The following SPPL2A variants were observed in gnomAD, a reference collection of about 807,000 sequenced individuals.
The protein encoded by SPPL2A is signal peptide peptidase like 2A, also known as signal peptide peptidase-like 2A.
Under a neutral mutation model 63.8 loss-of-function variants are expected in SPPL2A, and 51 were observed. The ratio of observed to expected loss-of-function variants is 0.80; its 90% CI spans 0.64 to 1.01. SPPL2A has a LOEUF of 1.01. Among genes scored for constraint, SPPL2A ranks in the 50% least tolerant of loss-of-function variants. The pLI is 0.00. For synonymous variants in SPPL2A, 188 were observed against 205.8 expected (o/e 0.91, Z 0.74); for missense variants, 553 against 622.7 (o/e 0.89, Z 1.19).
chr15:50,722,079 G>T, intron 13 of SPPL2A, 45 bp downstream of exon 13: 2 of 1,039,792 alleles, frequency 1.9e-6, no homozygotes, highest in South Asian at 1.3e-5. Flanking sequence ...TTTTCCTCCA[G>T]ACAATACAAT....
At chr15:50,763,473 TAA>T (rs1236373501) in intron 1 of SPPL2A, among the ~76,000 whole-genome samples, 1 of 152,210 alleles carries the variant, frequency 6.6e-6, no homozygotes, top group Non-Finnish European at 1.5e-5. Flanking sequence ...ACATCCCATA[TAA>T]TAAGATGCAC....
In SPPL2A at chr15:50,704,716, A is replaced by G. The variant is rs911670667; in HGVS notation, c.*3084T>C. The G allele has an allele frequency of 2.0e-5, 3 of 152,188 alleles. No homozygotes were observed. Among genetic ancestry groups the G allele is most frequent in the African/African-American group, 7.2e-5 (3 of 41,448 alleles). The allele number at this position is 152,188 out of a possible 1,614,324, so 9.4% of individuals were successfully genotyped here. A position where few individuals can be genotyped will look rare whatever the true frequency, so the allele number is the denominator to read the frequency against. On this transcript the variant is annotated 3_prime_UTR_variant, in exon 15 of 15. Transcript: ENST00000261854. ...ATCTTTTGTTCATTTTGAGTCCCCA[A>G]ATAAAATATTTCTGTACTTTAATTT... is the stretch of plus-strand genomic sequence containing the variant.
At position 50,706,635 on chromosome 15, in the gene SPPL2A, GATA is replaced by G. The variant is rs1567145489; in HGVS notation, c.*1162_*1164del. Reference sequence around the variant, plus strand: ...AACGGGTGGGAGTGGGGGAATGTGGGATAATGTTAGGAATGCTGTATTCAACGA... The same window carrying G: ...AACGGGTGGGAGTGGGGGAATGTGGGATGTTAGGAATGCTGTATTCAACGA... On this transcript the variant is annotated 3_prime_UTR_variant, in exon 15 of 15. Transcript: ENST00000261854. The G allele has an allele frequency of 1.3e-5, 2 of 151,898 alleles. No homozygotes were observed. Among genetic ancestry groups the G allele is most frequent in the Non-Finnish European group, 2.9e-5 (2 of 68,000 alleles). 9.4% of individuals were successfully genotyped at this position (151,898 alleles called of 1,614,324 possible).
intron 6 of SPPL2A, among the ~76,000 whole-genome samples, chr15:50,738,299 A>G (rs2062789470): frequency 6.6e-6 from 1 of 152,170 alleles, no homozygotes; most frequent in Non-Finnish European, 1.5e-5. Flanking sequence ...CTGTAATCCT[A>G]GCACTTTGGG....
chr15:50,765,430 A>G (rs1183042202), intron 1 of SPPL2A, 38 bp downstream of exon 1: 6 of 1,472,408 alleles, frequency 4.1e-6, no homozygotes, highest in Non-Finnish European at 5.4e-6. Flanking sequence ...GGCCCCGCCC[A>G]GCCCCTGGGA....
chr15:50,707,715 C>A lies in SPPL2A; in HGVS notation c.*85G>T. On this transcript the variant is annotated 3_prime_UTR_variant, in exon 15 of 15. Coordinates refer to ENST00000261854, the MANE Select transcript of SPPL2A (RefSeq NM_032802.4). ...GCAAGCATATCATTGAAGACTCTTT[C>A]AGATTGTCAATTCAAAAGTCAATTT... The A allele has an allele frequency of 1.4e-6, 1 of 737,766 alleles. No homozygotes were observed. The highest frequency in any genetic ancestry group is 2.4e-6 in the Non-Finnish European group (1 of 413,262). The allele number at this position is 737,766 out of a possible 1,614,324, so 45.7% of individuals were successfully genotyped here.
chr15:50,733,599 G>C (rs763327908), intron 8 of SPPL2A, among the ~76,000 whole-genome samples: 1 of 152,118 alleles, frequency 6.6e-6, no homozygotes, highest in Non-Finnish European at 1.5e-5. Context: ...CAGGACATTG[G>C]TCTTGGCAAA....
intron 5 of SPPL2A, among the ~76,000 whole-genome samples, chr15:50,745,872 G>A (rs2062853531): frequency 6.6e-6 from 1 of 151,298 alleles, no homozygotes; most frequent in Non-Finnish European, 1.5e-5. Context: ...CCAACATGGT[G>A]AAAACTCATC....
At chr15:50,721,762 G>A (rs749154677) in intron 13 of SPPL2A, among the ~76,000 whole-genome samples, 64 of 151,906 alleles carry the variant, frequency 4.2e-4, no homozygotes, top group Non-Finnish European at 8.5e-4. Flanking sequence ...GTGCCACCAC[G>A]CCCAGCTAAT....
In SPPL2A at chr15:50,722,170, A is replaced by T. The variant is rs116939379; in HGVS notation, c.1281T>A (p.Asp427Glu). Reference sequence around the variant, plus strand: ...ATATGTAAGAAGAACCAGTCTGAACATCAAATCTTCTACAGTATGCAATCA... The same window carrying T: ...ATATGTAAGAAGAACCAGTCTGAACTTCAAATCTTCTACAGTATGCAATCA... ...GLLIAYCRRF[D>E]VQTGSSYIYY... Residue 427 changes from aspartate (D) to glutamate (E), a missense_variant, in exon 13 of 15, where the codon GAT becomes GAA. By Grantham distance (45) the Asp-to-Glu change is conservative. Coordinates refer to ENST00000261854, the MANE Select transcript of SPPL2A (RefSeq NM_032802.4). The T allele has an allele frequency of 2.7e-3, 4,301 of 1,601,422 alleles. 10 individuals carry two copies. Among genetic ancestry groups the T allele is most frequent in the Middle Eastern group, 0.014 (86 of 6,022 alleles).
In SPPL2A at chr15:50,736,644, G is replaced by A. The variant is rs147266738; in HGVS notation, c.830C>T (p.Thr277Met). 88 of 1,507,378 alleles carry A rather than the reference G, an allele frequency of 5.8e-5. No homozygotes were observed. Among genetic ancestry groups the A allele is most frequent in the Non-Finnish European group, 4.4e-5 (48 of 1,088,136 alleles). 93.4% of individuals were successfully genotyped at this position (1,507,378 alleles called of 1,614,324 possible). Residue 277 changes from threonine to methionine, a missense_variant and splice_region_variant, in exon 7 of 15, where the codon ACG (threonine) becomes ATG (methionine). Physicochemically the swap from Thr to Met is moderately conservative, Grantham distance 81. Transcript: ENST00000261854. ...AAGATTTCCTGTAAGAGATACGTAC[G>A]TGCATTGTCCATATGGTATCTTATG... ...LIHKIPYGQC[T>M]IACRGKNMEV...
In SPPL2A at chr15:50,726,336, A is replaced by G. The variant is rs1265708418; in HGVS notation, c.1131T>C (p.Phe377=). The G allele has an allele frequency of 1.9e-6, 3 of 1,613,844 alleles. No homozygotes were observed. The African/African-American group carries it at 4.0e-5, about 22-fold the overall frequency. ...SIMVELAAGP[F]GNNEKLPVVI... is the part of the protein sequence containing the mutation. ...CCATCCCTACCTTTTCATTATTTCC[A>G]AAAGGTCCAGCTGCGAGTTCAACCA... The change falls in exon 11 of 15, where the codon TTT becomes TTC. Residue 377 remains phenylalanine, a synonymous_variant. Coordinates refer to ENST00000261854, the MANE Select transcript of SPPL2A (RefSeq NM_032802.4).
At chr15:50,765,171 G>A (rs969993787) in intron 1 of SPPL2A, among the ~76,000 whole-genome samples, 2 of 152,116 alleles carry the variant, frequency 1.3e-5, no homozygotes, top group African/African-American at 2.4e-5. Context: ...GAAGCATCAA[G>A]GTCAACGCAA....
chr15:50,722,710 C>T (rs200307718), intron 12 of SPPL2A, among the ~76,000 whole-genome samples: 143 of 152,256 alleles, frequency 9.4e-4, no homozygotes, highest in Admixed American at 6.6e-3. Flanking sequence ...TGGTCTTGGC[C>T]TCCCAAAGTC....
chr15:50,711,800 C>G (rs925684700), intron 14 of SPPL2A, among the ~76,000 whole-genome samples: 1 of 152,148 alleles, frequency 6.6e-6, no homozygotes, highest in African/African-American at 2.4e-5. Flanking sequence ...ATAGTATAAA[C>G]AAATTTGCCT....
chr15:50,764,242 T>C (rs2141068300), intron 1 of SPPL2A, among the ~76,000 whole-genome samples: 1 of 152,348 alleles, frequency 6.6e-6, no homozygotes, highest in Middle Eastern at 3.4e-3. Flanking sequence ...TTTGCATACA[T>C]CTACATACTA....
rs1391441860 is a variant in SPPL2A, at chr15:50,704,933, C to G, written c.*2867G>C. On this transcript the variant is annotated 3_prime_UTR_variant, in exon 15 of 15. Transcript: ENST00000261854. ...AAAGTAGAATTTGTATCAAGTAACTCGGATTTCAGATTTCTGGATGTACCA... is the reference window on the plus strand; with the variant it reads ...AAAGTAGAATTTGTATCAAGTAACTGGGATTTCAGATTTCTGGATGTACCA... 1.3e-5 allele frequency: 2 copies of G among 152,150 alleles called. No individual in the cohort carries two copies. Among genetic ancestry groups the G allele is most frequent in the African/African-American group, 4.8e-5 (2 of 41,432 alleles). 9.4% of individuals were successfully genotyped at this position (152,150 alleles called of 1,614,324 possible).
intron 1 of SPPL2A, 107 bp downstream of exon 1, chr15:50,765,361 G>A: frequency 6.5e-6 from 5 of 764,594 alleles, no homozygotes; most frequent in Non-Finnish European, 9.8e-6. Flanking sequence ...GGCCGCGGAG[G>A]TGCGGGCAGA....
At position 50,728,641 on chromosome 15, in the gene SPPL2A, C is replaced by T. The variant is rs189104479; in HGVS notation, c.1090-2264G>A. Among the ~76,000 whole-genome samples, 12 of 143,476 alleles carry T rather than the reference C, an allele frequency of 8.4e-5. No homozygotes were observed. In the East Asian group the frequency reaches 2.6e-3, roughly 31 times the overall value. 94.1% of individuals were successfully genotyped at this position (143,476 alleles called of 152,430 possible). On this transcript the variant is annotated intron_variant, in intron 10 of 14. Transcript: ENST00000261854. ...GATTACAGGCGTGAACCACTGCGCT[C>T]GGCCAACAATTTCTTTTTTTGAAAC... is the stretch of plus-strand genomic sequence containing the variant.
Sources: allele counts gnomAD v4.1 joint callset (sites outside exome capture counted in the v4.1 genomes callset), GRCh38; gene constraint gnomAD v4.1.1; transcripts MANE v1.5; gene names NCBI Gene and HGNC (gene_info 2026-07-23, HGNC 2026-07-21).